Variants in TMUB2 observed in about 807,000 individuals in gnomAD.
TMUB2 encodes transmembrane and ubiquitin like domain containing 2.
In TMUB2, 19 loss-of-function variants were observed where a neutral mutation model predicts 20.2. The observed-to-expected ratio is 0.94, with a 90% CI of 0.66 to 1.38. TMUB2 has a LOEUF of 1.38. Ranked by LOEUF, TMUB2 falls within the 40% of genes most tolerant of loss-of-function variation. The pLI is 0.00. For synonymous variants in TMUB2, 186 were observed against 166.0 expected (o/e 1.12, Z -0.92); for missense variants, 426 against 402.5 (o/e 1.06, Z -0.50).
In TMUB2 at chr17:44,189,580, C is replaced by G. The variant is rs757154046; in HGVS notation, c.594C>G (p.Ala198=). ...AVARPEDTVG[A]LKSKYFPGQE... ...CTAGGCCAGAGGATACCGTGGGTGC[C>G]CTGAAGAGGTGAGTGGCCTGGGAAG... Residue 198 remains alanine (A), a synonymous_variant, in exon 3 of 4, where the codon GCC becomes GCG. Transcript: ENST00000538716. 1 of 1,584,328 alleles carries G rather than the reference C, an allele frequency of 6.3e-7. No homozygotes were observed. Among genetic ancestry groups the G allele is most frequent in the Non-Finnish European group, 8.6e-7 (1 of 1,163,894 alleles).
At chr17:44,187,407 GA>G in intron 1 of TMUB2, 1 of 420,304 alleles carries the variant, frequency 2.4e-6, no homozygotes, top group Non-Finnish European at 4.3e-6. Context: ...AAGGGTGCGG[GA>G]CCCCTCCTCA....
chr17:44,188,924 T>A, intron 2 of TMUB2, 98 bp from the exon 3 acceptor site: 1 of 1,446,994 alleles, frequency 6.9e-7, no homozygotes, highest in Non-Finnish European at 9.1e-7. Flanking sequence ...CTCCTTTTTT[T>A]TTTTTTTCAG....
intron 3 of TMUB2, 59 bp downstream of exon 3, chr17:44,189,647 C>CT: frequency 6.8e-7 from 1 of 1,473,210 alleles, no homozygotes; most frequent in Non-Finnish European, 9.0e-7. Flanking sequence ...TTGGTTGCCT[C>CT]TAAGGAGGCT....
Position 44,187,719 on chromosome 17 carries a change from G to C in TMUB2, c.11G>C (p.Arg4Pro), listed in dbSNP as rs951461998. The C allele has an allele frequency of 4.2e-6, 3 of 718,464 alleles. No homozygotes were observed. The highest frequency in any genetic ancestry group is 7.8e-6 in the Non-Finnish European group (3 of 385,072). 44.5% of individuals were successfully genotyped at this position (718,464 alleles called of 1,614,324 possible). A position where few individuals can be genotyped will look rare whatever the true frequency, so the allele number is the denominator to read the frequency against. ...AAGTATTTTGCTTCGATGATTTCAC[G>C]TCATCTTCAAAACAACCTCATGAGG... MIS[R>P]HLQNNLMSVD... Residue 4 changes from arginine to proline, a missense_variant, in exon 2 of 4, where the codon CGT (arginine) becomes CCT (proline). Coordinates refer to ENST00000538716, the MANE Select transcript of TMUB2 (RefSeq NM_001076674.3).
At position 44,190,680 on chromosome 17, in the gene TMUB2, C is replaced by T; in HGVS notation, c.782C>T (p.Thr261Ile). ...TCAGCCTCCTTGGCCCCCTCGGCCA[C>T]TGAGCCACCCAGCCTTGGTGTCAAT... Reference protein sequence around the residue: ...GPSASLAPSATEPPSLGVNVG... With the variant: ...GPSASLAPSAIEPPSLGVNVG... Residue 261 changes from threonine (T) to isoleucine (I), a missense_variant, in exon 4 of 4, where the codon ACT becomes ATT. Coordinates refer to ENST00000538716, the MANE Select transcript of TMUB2 (RefSeq NM_001076674.3). 6.2e-7 allele frequency: 1 copy of T among 1,614,252 alleles called. No homozygotes were observed. Among genetic ancestry groups the T allele is most frequent in the East Asian group, 2.2e-5 (1 of 44,886 alleles).
chr17:44,189,605 G>A lies in TMUB2; in HGVS notation c.602+17G>A, dbSNP rs1320769951. 1 of 1,542,842 alleles carries A rather than the reference G, an allele frequency of 6.5e-7. No homozygotes were observed. Among genetic ancestry groups the A allele is most frequent in the East Asian group, 2.3e-5 (1 of 44,250 alleles). On this transcript the variant is annotated intron_variant, in intron 3 of 3. Transcript: ENST00000538716. ...CCTGAAGAGGTGAGTGGCCTGGGAA[G>A]TGGGAAGCTGCTTGTGCTCATCCCC... is the stretch of plus-strand genomic sequence containing the variant.
chr17:44,189,843 T>G, intron 3 of TMUB2: 1 of 341,706 alleles, frequency 2.9e-6, no homozygotes, highest in Non-Finnish European at 5.3e-6. Context: ...AAACCCCATC[T>G]CTACTAAACA....
chr17:44,191,851 G>A lies in TMUB2; in HGVS notation c.*987G>A, dbSNP rs745893038. ...ATTTACACCAGCAGCCATGGGGGCA[G>A]AGGGAATACACAGCGTTTACAAAGT... On this transcript the variant is annotated 3_prime_UTR_variant, in exon 4 of 4. Transcript: ENST00000538716. 3.6e-5 allele frequency: 18 copies of A among 501,224 alleles called. No individual in the cohort carries two copies. Among genetic ancestry groups the A allele is most frequent in the Non-Finnish European group, 4.6e-5 (18 of 387,696 alleles). 31.0% of individuals were successfully genotyped at this position (501,224 alleles called of 1,614,324 possible).
chr17:44,191,061 C>T lies in TMUB2; in HGVS notation c.*197C>T. On this transcript the variant is annotated 3_prime_UTR_variant, in exon 4 of 4. Coordinates refer to ENST00000538716, the MANE Select transcript of TMUB2 (RefSeq NM_001076674.3). The stretch of plus-strand genomic sequence containing the variant: ...AGTACAGATGTCCCTCCCGTGCGAG[C>T]ACAACTCAGGTAGAAATGAGGATGT... 2 of 1,387,032 alleles carry T rather than the reference C, an allele frequency of 1.4e-6. No homozygotes were observed. Among genetic ancestry groups the T allele is most frequent in the Non-Finnish European group, 9.3e-7 (1 of 1,073,744 alleles). The allele number at this position is 1,387,032 out of a possible 1,614,324, so 85.9% of individuals were successfully genotyped here.
chr17:44,187,451 C>T (rs963529783), intron 1 of TMUB2: 4 of 553,598 alleles, frequency 7.2e-6, no homozygotes, highest in Middle Eastern at 4.8e-4. Flanking sequence ...GGGTAGATCA[C>T]AGGCTGAGGG....
In TMUB2 at chr17:44,187,753, G is replaced by C. The variant is rs912279960; in HGVS notation, c.35+10G>C. The C allele has an allele frequency of 2.8e-6, 2 of 718,456 alleles. No individual in the cohort carries two copies. The highest frequency in any genetic ancestry group is 5.4e-5 in the East Asian group (2 of 37,300). The allele number at this position is 718,456 out of a possible 1,614,324, so 44.5% of individuals were successfully genotyped here. On this transcript the variant is annotated intron_variant, in intron 2 of 3. Transcript: ENST00000538716. ...AAAACAACCTCATGAGGTAGGTACT[G>C]TTTTTAACCCCATTTTACTGATGAG... is the stretch of plus-strand genomic sequence containing the variant.
chr17:44,191,202 C>T lies in TMUB2; in HGVS notation c.*338C>T. 1 of 1,078,386 alleles carries T rather than the reference C, an allele frequency of 9.3e-7. No individual in the cohort carries two copies. Among genetic ancestry groups the T allele is most frequent in the East Asian group, 7.5e-5 (1 of 13,280 alleles). The allele number at this position is 1,078,386 out of a possible 1,614,324, so 66.8% of individuals were successfully genotyped here. ...CTGTGGTTCTGACTCTTCCCAGTGT[C>T]CTGCATGTCTGCCCCCAGCACCCAG... On this transcript the variant is annotated 3_prime_UTR_variant, in exon 4 of 4. Coordinates refer to ENST00000538716, the MANE Select transcript of TMUB2 (RefSeq NM_001076674.3).
chr17:44,190,384 G>A (rs2055333007), intron 3 of TMUB2, 117 bp from the exon 4 acceptor site: 1 of 1,043,454 alleles, frequency 9.6e-7, no homozygotes, highest in Non-Finnish European at 1.3e-6. Flanking sequence ...ATAAAGATGA[G>A]GGAAAAAAAA....
intron 2 of TMUB2, 90 bp from the exon 3 acceptor site, chr17:44,188,931 TC>T: frequency 4.8e-6 from 7 of 1,445,462 alleles, no homozygotes; most frequent in South Asian, 4.5e-5. Flanking sequence ...TTTTTTTTTT[TC>T]AGGGCTGGGT....
chr17:44,190,273 C>T (rs1253157283), intron 3 of TMUB2: 6 of 433,490 alleles, frequency 1.4e-5, no homozygotes, highest in Non-Finnish European at 2.4e-5. Flanking sequence ...ATTGCTTGAA[C>T]CCGGGAGGCA....
In TMUB2 at chr17:44,189,269, G is replaced by C. The variant is rs781374981; in HGVS notation, c.283G>C (p.Glu95Gln). 1.2e-6 allele frequency: 2 copies of C among 1,606,134 alleles called. No homozygotes were observed. Residue 95 changes from glutamate to glutamine, a missense_variant, in exon 3 of 4, where the codon GAG becomes CAG. Transcript: ENST00000538716. ...CCTGGTGGCAGGCCAAGGCAACCCC[G>C]AGCCAACTGAACTCCCCCATCCATC... ...DHLVAGQGNP[E>Q]PTELPHPSEG...
intron 3 of TMUB2, chr17:44,190,291 C>T (rs2055278613): frequency 2.1e-5 from 10 of 465,448 alleles, no homozygotes; most frequent in Non-Finnish European, 2.9e-5. Flanking sequence ...GCAGAGGTTG[C>T]AGTGAGCCGA....
intron 2 of TMUB2, 163 bp from the exon 3 acceptor site, chr17:44,188,859 T>C: frequency 1.6e-6 from 2 of 1,270,872 alleles, no homozygotes; most frequent in Non-Finnish European, 2.1e-6. Flanking sequence ...TCTTTAGGTT[T>C]AGGTTGGGGT....
At position 44,189,724 on chromosome 17, in the gene TMUB2, C is replaced by G; in HGVS notation, c.602+136C>G. On this transcript the variant is annotated intron_variant, in intron 3 of 3. Coordinates refer to ENST00000538716, the MANE Select transcript of TMUB2 (RefSeq NM_001076674.3). ...CCTACCAAGGGCAGGTAGATACTTT[C>G]TTAGAAATACACCCTTCAGGCCGGG... The G allele has an allele frequency of 5.0e-6, 4 of 807,272 alleles. No homozygotes were observed. In the South Asian group the frequency reaches 8.4e-5, roughly 17 times the overall value. 50.0% of individuals were successfully genotyped at this position (807,272 alleles called of 1,614,324 possible). A position where few individuals can be genotyped will look rare whatever the true frequency, so the allele number is the denominator to read the frequency against.
Sources: allele counts gnomAD v4.1 joint callset, GRCh38; gene constraint gnomAD v4.1.1; transcripts MANE v1.5; gene names NCBI Gene and HGNC (gene_info 2026-07-23, HGNC 2026-07-21).